The following MAGI2 variants were observed in gnomAD, a reference collection of about 807,000 sequenced individuals.
MAGI2 encodes membrane associated guanylate kinase, WW and PDZ domain containing 2, also known as membrane-associated guanylate kinase, WW and PDZ domain-containing protein 2.
A neutral mutation model predicts 133.3 loss-of-function variants in MAGI2; 35 were observed. The ratio of observed to expected loss-of-function variants is 0.26; its 90% CI spans 0.20 to 0.35. The LOEUF is 0.35. Among genes scored for constraint, MAGI2 ranks in the 10% least tolerant of loss-of-function variants. MAGI2 has a pLI of 1.00. For missense variants in MAGI2, 1,636 were observed against 1,863.4 expected (o/e 0.88, Z 2.25); for synonymous variants, 729 against 710.6 (o/e 1.03, Z -0.41).
intron 1 of MAGI2, among the ~76,000 whole-genome samples, chr7:79,155,470 C>T (rs190619875): frequency 4.6e-5 from 7 of 152,088 alleles, no homozygotes; most frequent in African/African-American, 1.7e-4. Flanking sequence ...TATAATTACA[C>T]ATTGAGAGAA....
intron 9 of MAGI2, among the ~76,000 whole-genome samples, chr7:78,333,737 A>G (rs1789468774): frequency 6.6e-6 from 1 of 152,212 alleles, no homozygotes; most frequent in South Asian, 2.1e-4. Context: ...CAGCGGAGGC[A>G]TGAAGCGTGA....
intron 3 of MAGI2, among the ~76,000 whole-genome samples, chr7:78,564,918 C>A (rs568515956): frequency 6.6e-6 from 1 of 150,852 alleles, no homozygotes; most frequent in South Asian, 2.1e-4. Flanking sequence ...CTGAGCCTCC[C>A]GAGCTGCTGG....
chr7:79,142,272 T>C (rs1585032980), intron 1 of MAGI2, among the ~76,000 whole-genome samples: 1 of 152,316 alleles, frequency 6.6e-6, no homozygotes, highest in Non-Finnish European at 1.5e-5. Context: ...TTCATGTTTT[T>C]ACACCAGTGA....
At position 79,277,198 on chromosome 7, in the gene MAGI2, C is replaced by G. The variant is rs145499030; in HGVS notation, c.301+175822G>C. The stretch of plus-strand genomic sequence containing the variant: ...CCACAGCCATCCCAACCTTCAGCAA[C>G]TACCACCCTGATGAGTCAGCAGCCA... On this transcript the variant is annotated intron_variant, in intron 1 of 21. Coordinates refer to ENST00000354212, the MANE Select transcript of MAGI2 (RefSeq NM_012301.4). 1.8e-3 allele frequency among the ~76,000 whole-genome samples: 280 copies of G among 152,264 alleles called. 1 individual carries two copies. The highest frequency in any genetic ancestry group is 0.013 in the East Asian group (67 of 5,166).
At chr7:78,143,657 G>A (rs571084388) in intron 16 of MAGI2, among the ~76,000 whole-genome samples, 1 of 152,138 alleles carries the variant, frequency 6.6e-6, no homozygotes, top group South Asian at 2.1e-4. Flanking sequence ...TTAAAACTTG[G>A]TACTGATTAT....
At chr7:78,250,778 G>A (rs1292883231) in intron 10 of MAGI2, among the ~76,000 whole-genome samples, 1 of 152,008 alleles carries the variant, frequency 6.6e-6, no homozygotes, top group African/African-American at 2.4e-5. Flanking sequence ...GCTCAGACTA[G>A]ATGACTTCAC....
At chr7:79,305,813 T>C (rs1837741012) in intron 1 of MAGI2, among the ~76,000 whole-genome samples, 1 of 152,072 alleles carries the variant, frequency 6.6e-6, no homozygotes, top group African/African-American at 2.4e-5. Flanking sequence ...CCCAGCTGCT[T>C]GGGAGGCTAA....
chr7:78,164,355 C>T (rs1209613782), intron 15 of MAGI2, among the ~76,000 whole-genome samples: 1 of 152,198 alleles, frequency 6.6e-6, no homozygotes, highest in Non-Finnish European at 1.5e-5. Context: ...ATGGACAGAG[C>T]TTGGTCATGT....
chr7:78,329,753 T>C (rs1788979138), intron 9 of MAGI2, among the ~76,000 whole-genome samples: 1 of 152,162 alleles, frequency 6.6e-6, no homozygotes, highest in Admixed American at 6.5e-5. Flanking sequence ...AGGTTACTGA[T>C]CTGTAAAACG....
intron 10 of MAGI2, among the ~76,000 whole-genome samples, chr7:78,225,086 C>A (rs1789241021): frequency 6.6e-6 from 1 of 152,128 alleles, no homozygotes; most frequent in South Asian, 2.1e-4. Context: ...CACTGCTTCC[C>A]TGGAGTCTTT....
At chr7:78,535,595 T>C (rs1797820997) in intron 3 of MAGI2, among the ~76,000 whole-genome samples, 1 of 152,130 alleles carries the variant, frequency 6.6e-6, no homozygotes, top group African/African-American at 2.4e-5. Context: ...ACTGTTTTTT[T>C]TTTTCATACC....
intron 20 of MAGI2, among the ~76,000 whole-genome samples, chr7:78,090,443 G>T (rs538698020): frequency 1.3e-5 from 2 of 152,288 alleles, no homozygotes; most frequent in African/African-American, 4.8e-5. Flanking sequence ...ATGATTAATG[G>T]CAGAGGGAGA....
chr7:78,805,643 C>A (rs999731272), intron 2 of MAGI2, among the ~76,000 whole-genome samples: 1 of 152,118 alleles, frequency 6.6e-6, no homozygotes, highest in African/African-American at 2.4e-5. Flanking sequence ...GACCTGTAAA[C>A]CAAAAGGATA....
intron 1 of MAGI2, among the ~76,000 whole-genome samples, chr7:79,293,506 A>G (rs905807349): frequency 2.0e-5 from 3 of 152,248 alleles, no homozygotes; most frequent in Admixed American, 6.5e-5. Context: ...TATTTTCTAC[A>G]TAGTTCTTCA....
At chr7:78,426,325 G>A (rs961209459) in intron 6 of MAGI2, among the ~76,000 whole-genome samples, 1 of 152,126 alleles carries the variant, frequency 6.6e-6, no homozygotes, top group Non-Finnish European at 1.5e-5. Flanking sequence ...GATGAAATCG[G>A]AAATTATCAT....
At chr7:78,021,049 C>CT (rs200496909) in intron 21 of MAGI2, among the ~76,000 whole-genome samples, 541 of 151,118 alleles carry the variant, frequency 3.6e-3, no homozygotes, top group Non-Finnish European at 4.8e-3. Flanking sequence ...TGAGAGATGA[C>CT]TTTTTTTTTA....
intron 2 of MAGI2, among the ~76,000 whole-genome samples, chr7:78,865,094 TA>T (rs1398762542): frequency 5.3e-5 from 8 of 152,200 alleles, no homozygotes; most frequent in African/African-American, 1.9e-4. Flanking sequence ...TGCTTCCGTA[TA>T]AATCTAGAAT....
At chr7:79,183,461 T>C (rs2129550481) in intron 1 of MAGI2, among the ~76,000 whole-genome samples, 1 of 151,954 alleles carries the variant, frequency 6.6e-6, no homozygotes, top group East Asian at 1.9e-4. Context: ...AATGGGAGTT[T>C]AAAAAAATTG....
At chr7:78,071,738 G>T (rs1281826335) in intron 21 of MAGI2, among the ~76,000 whole-genome samples, 1 of 152,130 alleles carries the variant, frequency 6.6e-6, no homozygotes, top group African/African-American at 2.4e-5. Context: ...TTCCCTAGGT[G>T]CTTTATCATT....
Sources: gnomAD v4.1 joint callset for allele counts (sites outside exome capture counted in the v4.1 genomes callset) on GRCh38, gnomAD v4.1.1 for gene constraint, MANE v1.5 for transcripts, NCBI Gene and HGNC (gene_info 2026-07-23, HGNC 2026-07-21) for gene names.